Variants in DYNC2H1 observed in about 807,000 individuals in gnomAD.
DYNC2H1 encodes cytoplasmic dynein 2 heavy chain 1.
DYNC2H1 carries 410 observed loss-of-function variants against 570.0 expected under a neutral mutation model. That is an observed-to-expected ratio of 0.72 (90% CI 0.66 to 0.78). The LOEUF is 0.78. DYNC2H1 is among the 30% of genes least tolerant of loss of function. The pLI is 0.00. For synonymous variants in DYNC2H1, 1,688 were observed against 1,677.6 expected (o/e 1.01, Z -0.15); for missense variants, 4,865 against 5,046.4 (o/e 0.96, Z 1.09).
intron 81 of DYNC2H1, 85 bp from the exon 82 acceptor site, chr11:103,323,801 T>C: frequency 9.8e-7 from 1 of 1,017,110 alleles, no homozygotes. Context: ...TAATTGAACA[T>C]TTCAAAGTAT....
In DYNC2H1 at chr11:103,379,197, C is replaced by T. The variant is rs192681009; in HGVS notation, c.12157-20466C>T. 3.9e-5 allele frequency among the ~76,000 whole-genome samples: 6 copies of T among 152,316 alleles called. No homozygotes were observed. In the East Asian group the frequency reaches 9.6e-4, roughly 24 times the overall value. On this transcript the variant is annotated intron_variant, in intron 83 of 88. Transcript: ENST00000375735. ...TCTCCCTAGTCTGGTTTGCCCCAGC[C>T]ATGGCAGTTACCATGTTCTCTCCTC...
chr11:103,218,736 C>T (rs1248869422), intron 55 of DYNC2H1, among the ~76,000 whole-genome samples: 9 of 152,202 alleles, frequency 5.9e-5, no homozygotes, highest in Admixed American at 2.0e-4. Context: ...TTTTTCTCTG[C>T]GCTGTTCTGA....
chr11:103,221,131 G>A (rs1224837746), intron 57 of DYNC2H1, among the ~76,000 whole-genome samples: 2 of 151,980 alleles, frequency 1.3e-5, no homozygotes, highest in African/African-American at 4.8e-5. Flanking sequence ...CTATCCTTAA[G>A]AGTCTTGTAC....
intron 87 of DYNC2H1, among the ~76,000 whole-genome samples, chr11:103,462,336 A>T (rs79938659): frequency 0.16 from 24,800 of 152,086 alleles, 2,188 homozygotes; most frequent in Admixed American, 0.25. Context: ...CAACAAAAAT[A>T]CTTCATAAGT....
intron 60 of DYNC2H1, among the ~76,000 whole-genome samples, chr11:103,232,452 T>G (rs1046789972): frequency 6.6e-6 from 1 of 151,952 alleles, no homozygotes. Flanking sequence ...GAAGGATTAT[T>G]ATAAGAACTT....
chr11:103,191,378 T>C, intron 45 of DYNC2H1, 139 bp from the exon 46 acceptor site: 1 of 618,852 alleles, frequency 1.6e-6, no homozygotes, highest in Non-Finnish European at 2.8e-6. Flanking sequence ...ATAAAGATAA[T>C]GAAGTCATTT....
At chr11:103,469,633 C>T (rs1945307962) in intron 88 of DYNC2H1, among the ~76,000 whole-genome samples, 1 of 152,112 alleles carries the variant, frequency 6.6e-6, no homozygotes, top group African/African-American at 2.4e-5. Context: ...ATAAGAGTAT[C>T]CTCTGACCTA....
intron 81 of DYNC2H1, among the ~76,000 whole-genome samples, chr11:103,321,907 A>G (rs1336543184): frequency 6.6e-6 from 1 of 152,138 alleles, no homozygotes; most frequent in Non-Finnish European, 1.5e-5. Context: ...TTCTTCATGA[A>G]TTACAAAGGC....
chr11:103,219,017 G>C (rs1863484590), intron 55 of DYNC2H1, among the ~76,000 whole-genome samples: 1 of 152,152 alleles, frequency 6.6e-6, no homozygotes, highest in Non-Finnish European at 1.5e-5. Context: ...TGGAACAGGA[G>C]GTTAATAAAA....
At chr11:103,383,167 G>A (rs1308405436) in intron 83 of DYNC2H1, among the ~76,000 whole-genome samples, 1 of 152,188 alleles carries the variant, frequency 6.6e-6, no homozygotes, top group Non-Finnish European at 1.5e-5. Flanking sequence ...GGAGCCAACT[G>A]CTGTTGTTGG....
chr11:103,304,730 G>T lies in DYNC2H1; in HGVS notation c.11382+10G>T. On this transcript the variant is annotated intron_variant, in intron 77 of 88. Transcript: ENST00000375735. ...GCCAGTTCTGGAAAAGGTAGATTCA[G>T]ATAAATGTACAAATAATATCTATTA... 6.2e-7 allele frequency: 1 copy of T among 1,602,422 alleles called. No individual in the cohort carries two copies. Among genetic ancestry groups the T allele is most frequent in the Non-Finnish European group, 8.5e-7 (1 of 1,175,998 alleles).
At position 103,117,775 on chromosome 11, in the gene DYNC2H1, A is replaced by T. The variant is rs12146610; in HGVS notation, c.911A>T (p.Gln304Leu). The change falls in exon 6 of 89, where the codon CAG (glutamine) becomes CTG (leucine). Residue 304 changes from glutamine to leucine, a missense_variant. By Grantham distance (113) the Gln-to-Leu change is moderately radical. This residue lies in a region of DYNC2H1 where 1,936 missense variants were observed against 1,962.1 expected (regional missense o/e 0.99). Coordinates refer to ENST00000375735, the MANE Select transcript of DYNC2H1 (RefSeq NM_001377.3). ...WVIVCNHLTG[Q>L]VWQRYVPHPW... is the part of the protein sequence containing the mutation. ...ATAGTCTGTAATCATCTAACAGGTC[A>T]GGTGTGGCAGCGCTATGTTCCTCAT... 96,125 of 1,613,268 alleles carry T rather than the reference A, an allele frequency of 0.06. 3,207 individuals are homozygous for T. Among genetic ancestry groups the T allele is most frequent in the Non-Finnish European group, 0.067 (79,259 of 1,179,412 alleles).
At chr11:103,400,296 A>G (rs1443123625) in intron 84 of DYNC2H1, among the ~76,000 whole-genome samples, 1 of 111,848 alleles carries the variant, frequency 8.9e-6, no homozygotes, top group African/African-American at 3.9e-5. Flanking sequence ...GCCTATTCCC[A>G]TACTAGTTCA....
At chr11:103,389,871 A>G (rs1055656563) in intron 83 of DYNC2H1, among the ~76,000 whole-genome samples, 5 of 152,058 alleles carry the variant, frequency 3.3e-5, no homozygotes, top group Admixed American at 6.5e-5. Flanking sequence ...ACAGTTTGTT[A>G]TAATTTCTGT....
chr11:103,399,577 CA>C, intron 83 of DYNC2H1, 85 bp from the exon 84 acceptor site: 1 of 927,548 alleles, frequency 1.1e-6, no homozygotes, highest in Non-Finnish European at 1.6e-6. Flanking sequence ...CAGAATAGAA[CA>C]AAAGGTTTAA....
At chr11:103,330,948 A>T (rs911916490) in intron 82 of DYNC2H1, among the ~76,000 whole-genome samples, 19 of 152,202 alleles carry the variant, frequency 1.2e-4, no homozygotes, top group Admixed American at 9.8e-4. Flanking sequence ...AGTAAACCTC[A>T]ATGATTTAGA....
At chr11:103,234,181 A>T in intron 61 of DYNC2H1, 21 bp downstream of exon 61, 1 of 1,574,724 alleles carries the variant, frequency 6.4e-7, no homozygotes, top group Non-Finnish European at 8.6e-7. Context: ...GAGAGGGGCC[A>T]TGAGGAGTCT....
chr11:103,347,724 C>A lies in DYNC2H1; in HGVS notation c.12040-10519C>A, dbSNP rs184361555. ...GTATGTTCTTGACCTTGTCACCCAC[C>A]TTTTAGTACTTTCTTTTACACAGCT... On this transcript the variant is annotated intron_variant, in intron 82 of 88. Transcript: ENST00000375735. 2.5e-3 allele frequency among the ~76,000 whole-genome samples: 383 copies of A among 152,156 alleles called. 8 individuals are homozygous for A. The highest frequency in any genetic ancestry group is 4.3e-4 in the Non-Finnish European group (29 of 67,982).
rs547291150 is a variant in DYNC2H1, at chr11:103,370,883, ATAAC to A, written c.12156+12530_12156+12533del. ...TCCCAGACTGAGAAAACTACAATAA[ATAAC>A]TAACTCTTCAATGCCGAGACACCAA... On this transcript the variant is annotated intron_variant, in intron 83 of 88. Transcript: ENST00000375735. Among the ~76,000 whole-genome samples the A allele has an allele frequency of 2.8e-4, 42 of 152,220 alleles. 1 individual carries two copies. In the South Asian group the frequency reaches 8.5e-3, roughly 31 times the overall value.
Sources: allele counts gnomAD v4.1 joint callset (sites outside exome capture counted in the v4.1 genomes callset), GRCh38; gene constraint gnomAD v4.1.1; regional missense constraint gnomAD v4.1.1; transcripts MANE v1.5; gene names NCBI Gene and HGNC (gene_info 2026-07-23, HGNC 2026-07-21).